CARD8: variants seen among roughly 807,000 people sequenced by gnomAD.
The protein encoded by CARD8 is caspase recruitment domain family member 8, also known as caspase recruitment domain-containing protein 8.
Under a neutral mutation model 53.2 loss-of-function variants are expected in CARD8, and 38 were observed. The observed-to-expected ratio is 0.71, with a 90% confidence interval of 0.55 to 0.94. The LOEUF is 0.94. Ranked by LOEUF, CARD8 falls within the 40% of genes least tolerant of loss-of-function variation. The probability of loss-of-function intolerance (pLI) is 0.00; values close to 1 mark genes in which losing one functional copy is unlikely to be tolerated. For missense variants in CARD8, 561 were observed against 655.5 expected (o/e 0.86, Z 1.57); for synonymous variants, 245 against 244.9 (o/e 1.00, Z 0.00).
chr19:48,218,371 TTTTC>T (rs1194888060), intron 12 of CARD8, among the ~76,000 whole-genome samples: 173 of 68,134 alleles, frequency 2.5e-3, no homozygotes, highest in Admixed American at 6.0e-3. Flanking sequence ...TTTTTTTTTT[TTTTC>T]AGATGGAGTT....
chr19:48,236,604 A>G (rs1021112398), intron 5 of CARD8, among the ~76,000 whole-genome samples: 5 of 152,178 alleles, frequency 3.3e-5, no homozygotes, highest in African/African-American at 1.2e-4. Context: ...ATCCCATGTT[A>G]AATGGGTGCA....
chr19:48,218,169 C>CT (rs2039721089), intron 12 of CARD8, among the ~76,000 whole-genome samples: 1 of 133,828 alleles, frequency 7.5e-6, no homozygotes, highest in African/African-American at 2.8e-5. Flanking sequence ...TTTTTTTTTT[C>CT]TTTTTTGGCA....
chr19:48,252,708 G>A (rs576272216), intron 1 of CARD8, among the ~76,000 whole-genome samples: 2 of 151,742 alleles, frequency 1.3e-5, no homozygotes, highest in South Asian at 4.2e-4. Flanking sequence ...ACGTTGGCCA[G>A]GCTGGTCTAG....
At chr19:48,253,599 A>G (rs1225159044) in intron 1 of CARD8, among the ~76,000 whole-genome samples, 1 of 152,200 alleles carries the variant, frequency 6.6e-6, no homozygotes, top group African/African-American at 2.4e-5. Context: ...GATTCCAATA[A>G]AAGAATGCAA....
In CARD8 at chr19:48,231,734, A is replaced by C. The variant is rs920956875; in HGVS notation, c.468T>G (p.Tyr156Ter). ...SKVCFEIEED[Y>*]KNRQFLGPEG... ...CAGGCCCCAGAAACTGACGATTTTT[A>C]TAATCTTCTTCGATCTCAAAACAGA... The change falls in exon 8 of 14, where the codon TAT (tyrosine) becomes TAG (stop). Residue 156 changes from tyrosine to a stop codon, truncating the protein, a stop_gained. Transcript: ENST00000651546. LOFTEE classifies it high-confidence loss of function. The C allele has an allele frequency of 6.2e-7, 1 of 1,613,710 alleles. No homozygotes were observed. Among genetic ancestry groups the C allele is most frequent in the African/African-American group, 1.3e-5 (1 of 74,866 alleles).
In CARD8 at chr19:48,241,129, T is replaced by C. The variant is rs114228729; in HGVS notation, c.-43-66A>G. On this transcript the variant is annotated intron_variant, in intron 3 of 13. Coordinates refer to ENST00000651546, the MANE Select transcript of CARD8 (RefSeq NM_001184900.3). ...GAACCATCAGATAAATCTTAGCTTC[T>C]GTGTCTCTCAAAGGTTGACAAAAGC... 5.5e-3 allele frequency: 4,845 copies of C among 881,566 alleles called. 76 individuals carry two copies. Among genetic ancestry groups the C allele is most frequent in the African/African-American group, 0.042 (2,504 of 59,562 alleles). 54.6% of individuals were successfully genotyped at this position (881,566 alleles called of 1,614,324 possible). A position where few individuals can be genotyped will look rare whatever the true frequency, so the allele number is the denominator to read the frequency against.
intron 13 of CARD8, among the ~76,000 whole-genome samples, chr19:48,212,290 T>A (rs2038153596): frequency 6.6e-6 from 1 of 152,206 alleles, no homozygotes; most frequent in African/African-American, 2.4e-5. Flanking sequence ...CATACATTTA[T>A]ATATAAATCC....
chr19:48,206,494 G>A (rs995414075), downstream of CARD8: 7 of 461,504 alleles, frequency 1.5e-5, no homozygotes, highest in Admixed American at 4.7e-5. Flanking sequence ...GGCAAGATTG[G>A]GCAGCATCCA....
chr19:48,213,247 G>T (rs1349012429), intron 13 of CARD8: 1 of 152,036 alleles, frequency 6.6e-6, no homozygotes, highest in African/African-American at 2.4e-5. Flanking sequence ...TTGCTGCCTT[G>T]GGTGATTTTT....
At position 48,219,016 on chromosome 19, in the gene CARD8, G is replaced by A; in HGVS notation, c.1162-4C>T. 1 of 1,613,932 alleles carries A rather than the reference G, an allele frequency of 6.2e-7. No homozygotes were observed. The highest frequency in any genetic ancestry group is 8.5e-7 in the Non-Finnish European group (1 of 1,179,868). On this transcript the variant is annotated splice_region_variant and splice_polypyrimidine_tract_variant and intron_variant, in intron 11 of 13. Transcript: ENST00000651546. ...TCCTGTAGGACAATTTCAACTCCTA[G>A]AGGAAACACATCAGTTGACTTGAAG...
intron 5 of CARD8, among the ~76,000 whole-genome samples, chr19:48,236,219 A>ATT (rs1014017587): frequency 3.9e-5 from 6 of 152,018 alleles, no homozygotes; most frequent in Non-Finnish European, 8.8e-5. Flanking sequence ...TTTTATTTTT[A>ATT]TTTTTTAAAT....
intron 12 of CARD8, among the ~76,000 whole-genome samples, chr19:48,217,877 G>T (rs2039655846): frequency 6.6e-6 from 1 of 152,150 alleles, no homozygotes; most frequent in African/African-American, 2.4e-5. Flanking sequence ...TTCTGTGAAT[G>T]GATAAAACAT....
At position 48,215,369 on chromosome 19, in the gene CARD8, AC is replaced by A. The variant is rs777942468; in HGVS notation, c.1318del (p.Val440Ter). The A allele has an allele frequency of 6.2e-7, 1 of 1,611,180 alleles. No homozygotes were observed. Among genetic ancestry groups the A allele is most frequent in the South Asian group, 1.1e-5 (1 of 91,012 alleles). On this transcript the variant is annotated frameshift_variant, in exon 13 of 14. Coordinates refer to ENST00000651546, the MANE Select transcript of CARD8 (RefSeq NM_001184900.3). LOFTEE classifies it low-confidence loss of function (END_TRUNC). ...TEVKPVDLQL[V>X]AASAPPPFSG... ...GAAAGGAGGAGGGGCTGATGCAGCT[AC>A]AAGCTGGAGATCCACTACAAAAGAG...
At chr19:48,206,158 A>G (rs1410108786), downstream of CARD8, among the ~76,000 whole-genome samples, 2 of 152,118 alleles carry the variant, frequency 1.3e-5, no homozygotes, top group African/African-American at 2.4e-5. Flanking sequence ...TCAGCCTCCC[A>G]GAGTGCTGGG....
At chr19:48,226,053 C>CAAAAA (rs35050640) in intron 10 of CARD8, among the ~76,000 whole-genome samples, 1,885 of 78,390 alleles carry the variant, frequency 0.024, 132 homozygotes, top group African/African-American at 0.082. Context: ...GACTCCGTCT[C>CAAAAA]AAAAAAAAAA....
chr19:48,254,188 C>T (rs926576179), intron 1 of CARD8, among the ~76,000 whole-genome samples: 1 of 151,514 alleles, frequency 6.6e-6, no homozygotes, highest in Non-Finnish European at 1.5e-5. Flanking sequence ...GAGTTTGAGC[C>T]CAGGAGTTTG....
Position 48,232,448 on chromosome 19 carries a change from A to G in CARD8, c.391+5T>C, listed in dbSNP as rs937431054. ...CCTTCACTCCTCTCCCTATTAGCCCATTACCTGAATCTTGTCCCTCTGAAG... is the reference window on the plus strand; with the variant it reads ...CCTTCACTCCTCTCCCTATTAGCCCGTTACCTGAATCTTGTCCCTCTGAAG... On this transcript the variant is annotated splice_donor_5th_base_variant and intron_variant, in intron 7 of 13. Transcript: ENST00000651546. 8 of 1,535,254 alleles carry G rather than the reference A, an allele frequency of 5.2e-6. No homozygotes were observed. The highest frequency in any genetic ancestry group is 6.1e-6 in the Non-Finnish European group (7 of 1,146,072).
chr19:48,217,418 A>G (rs2039562433), intron 12 of CARD8, among the ~76,000 whole-genome samples: 1 of 152,232 alleles, frequency 6.6e-6, no homozygotes, highest in South Asian at 2.1e-4. Context: ...CTTCCTGGGC[A>G]TTCAGTTTGG....
rs1180513840 is a variant in CARD8, at chr19:48,249,752, A to G, written c.-156T>C. 1 of 152,464 alleles carries G rather than the reference A, an allele frequency of 6.6e-6. No homozygotes were observed. 9.4% of individuals were successfully genotyped at this position (152,464 alleles called of 1,614,324 possible). A position where few individuals can be genotyped will look rare whatever the true frequency, so the allele number is the denominator to read the frequency against. Reference sequence around the variant, plus strand: ...CTGCTGCGTTTCTGCAGCGCTTACCATGTGAGTTTCAGGAGCCCCAGGGTG... The same window carrying G: ...CTGCTGCGTTTCTGCAGCGCTTACCGTGTGAGTTTCAGGAGCCCCAGGGTG... On this transcript the variant is annotated splice_region_variant and 5_prime_UTR_variant, in exon 2 of 14. The change abolishes an upstream ATG in the 5' untranslated region. Transcript: ENST00000651546.
Sources: allele counts gnomAD v4.1 joint callset (sites outside exome capture counted in the v4.1 genomes callset), GRCh38; gene constraint gnomAD v4.1.1; transcripts MANE v1.5; gene names NCBI Gene and HGNC (gene_info 2026-07-23, HGNC 2026-07-21).